The following GPC3 variants were observed in gnomAD, a reference collection of about 807,000 sequenced individuals.
The protein encoded by GPC3 is glypican 3.
Under a neutral mutation model 34.4 loss-of-function variants are expected in GPC3, and 3 were observed. The observed-to-expected ratio is 0.09, with a 90% CI of 0.04 to 0.23. The LOEUF is 0.23. Ranked by LOEUF, GPC3 falls within the 10% of genes least tolerant of loss-of-function variation. The pLI, the probability that GPC3 is intolerant of heterozygous loss-of-function variation, is 1.00. For synonymous variants in GPC3, 177 were observed against 174.0 expected (o/e 1.02, Z -0.13); for missense variants, 351 against 445.6 (o/e 0.79, Z 1.91).
intron 7 of GPC3, among the ~76,000 whole-genome samples, chrX:133,558,830 C>T (rs1481274449): frequency 2.8e-5 from 3 of 107,956 alleles, no homozygotes; most frequent in Non-Finnish European, 5.7e-5. Context: ...GTGGAGGTTG[C>T]AGTGAGCCAA....
intron 2 of GPC3, among the ~76,000 whole-genome samples, chrX:133,831,936 T>C (rs2075777260): frequency 9.0e-6 from 1 of 110,569 alleles, no homozygotes; most frequent in African/African-American, 3.3e-5. Flanking sequence ...TACCACCATT[T>C]CCCCCCCTTT....
At chrX:133,591,237 T>A (rs1457788720) in intron 7 of GPC3, among the ~76,000 whole-genome samples, 1 of 112,122 alleles carries the variant, frequency 8.9e-6, no homozygotes, top group Non-Finnish European at 1.9e-5. Flanking sequence ...GAGGGCTAAA[T>A]GAAATGGTGG....
At chrX:133,749,615 T>C (rs2071642473) in intron 3 of GPC3, among the ~76,000 whole-genome samples, 1 of 111,229 alleles carries the variant, frequency 9.0e-6, no homozygotes, top group Admixed American at 9.6e-5. Flanking sequence ...CAAAAACAAC[T>C]AGGCAAAGTC....
chrX:133,780,252 C>T (rs890077046), intron 2 of GPC3, among the ~76,000 whole-genome samples: 5 of 111,794 alleles, frequency 4.5e-5, no homozygotes, highest in African/African-American at 1.6e-4. Flanking sequence ...CAGCTCGTTT[C>T]TCTTTAATCT....
In GPC3 at chrX:133,876,580, G is replaced by A. The variant is rs1157391982; in HGVS notation, c.337+76470C>T. 1.8e-5 allele frequency among the ~76,000 whole-genome samples: 2 copies of A among 112,446 alleles called. 1 individual carries two copies. Among genetic ancestry groups the A allele is most frequent in the South Asian group, 7.4e-4 (2 of 2,714 alleles). ...AGCAAGAGGCCTTTAGCAGAGTCCA[G>A]ACAGGGCTCCCTGGTGACCTGGAAG... On this transcript the variant is annotated intron_variant, in intron 2 of 7. Transcript: ENST00000370818.
intron 2 of GPC3, among the ~76,000 whole-genome samples, chrX:133,758,346 A>G (rs1341205446): frequency 1.8e-5 from 2 of 112,158 alleles, no homozygotes; most frequent in Admixed American, 9.4e-5. Flanking sequence ...TGGTACATAC[A>G]CATCTTGGAA....
At chrX:133,674,405 T>A (rs749888794) in intron 5 of GPC3, among the ~76,000 whole-genome samples, 2 of 111,014 alleles carry the variant, frequency 1.8e-5, no homozygotes, top group South Asian at 7.8e-4. Flanking sequence ...GAATGGCTTA[T>A]CATCAGGGAA....
At chrX:133,883,357 G>A (rs912842697) in intron 2 of GPC3, among the ~76,000 whole-genome samples, 6 of 111,465 alleles carry the variant, frequency 5.4e-5, no homozygotes, top group Admixed American at 2.9e-4. Context: ...AGCATTTACA[G>A]TTCCCAGCTT....
intron 2 of GPC3, among the ~76,000 whole-genome samples, chrX:133,786,637 G>A (rs1355786399): frequency 1.8e-5 from 2 of 112,316 alleles, no homozygotes; most frequent in Non-Finnish European, 3.8e-5. Context: ...ATGGGGAATG[G>A]TAGCTTATGC....
At chrX:133,839,588 G>A (rs190003733) in intron 2 of GPC3, among the ~76,000 whole-genome samples, 174 of 110,929 alleles carry the variant, frequency 1.6e-3, no homozygotes, top group Non-Finnish European at 2.9e-3. Context: ...CACATGACTG[G>A]TATTGGTCCT....
chrX:133,626,536 G>T (rs1472569462), intron 6 of GPC3, among the ~76,000 whole-genome samples: 1 of 110,548 alleles, frequency 9.0e-6, no homozygotes, highest in Non-Finnish European at 1.9e-5. Flanking sequence ...AAAGAAGACA[G>T]TTATGCAGCC....
chrX:133,592,245 G>C (rs1045968392), intron 7 of GPC3, among the ~76,000 whole-genome samples: 13 of 104,686 alleles, frequency 1.2e-4, no homozygotes, highest in Non-Finnish European at 2.6e-4. Flanking sequence ...ATTTACATTA[G>C]GTATATCTCC....
chrX:133,816,390 G>A (rs1221862353), intron 2 of GPC3, among the ~76,000 whole-genome samples: 1 of 111,341 alleles, frequency 9.0e-6, no homozygotes, highest in Non-Finnish European at 1.9e-5. Flanking sequence ...ATCAAAACTT[G>A]TTCTTGATGG....
intron 2 of GPC3, among the ~76,000 whole-genome samples, chrX:133,767,718 C>T (rs2071864620): frequency 9.0e-6 from 1 of 110,642 alleles, no homozygotes; most frequent in South Asian, 3.9e-4. Context: ...GAAGACTTAA[C>T]AGGAAGGTAA....
intron 7 of GPC3, among the ~76,000 whole-genome samples, chrX:133,546,468 A>G (rs1480078379): frequency 9.0e-6 from 1 of 111,114 alleles, no homozygotes; most frequent in African/African-American, 3.3e-5. Flanking sequence ...GCCATATAGT[A>G]TATAATTCCA....
chrX:133,949,665 T>G (rs1019655307), intron 2 of GPC3, among the ~76,000 whole-genome samples: 3 of 112,241 alleles, frequency 2.7e-5, no homozygotes, highest in African/African-American at 9.7e-5. Flanking sequence ...AGAAAAGACC[T>G]GGATGTACCC....
chrX:133,723,300 G>A (rs2071385650), intron 3 of GPC3, among the ~76,000 whole-genome samples: 1 of 111,831 alleles, frequency 8.9e-6, no homozygotes, highest in Admixed American at 9.5e-5. Context: ...GGGAACTGAG[G>A]CCCAGAAAAG....
chrX:133,594,427 T>C (rs1344983484), intron 7 of GPC3, among the ~76,000 whole-genome samples: 3 of 111,895 alleles, frequency 2.7e-5, no homozygotes, highest in Non-Finnish European at 3.8e-5. Context: ...AGAATGTTCA[T>C]TGTAGGATTA....
Position 133,856,735 on chromosome X carries a change from G to A in GPC3, c.337+96315C>T, listed in dbSNP as rs1161343434. ...TAGAGTGACATGTACTAACTTTATA[G>A]CTACAAACTAAAACTTGATTAAGCA... On this transcript the variant is annotated intron_variant, in intron 2 of 7. Coordinates refer to ENST00000370818, the MANE Select transcript of GPC3 (RefSeq NM_004484.4). Among the ~76,000 whole-genome samples the A allele has an allele frequency of 6.3e-5, 7 of 111,799 alleles. No homozygotes were observed. In the Admixed American group the frequency reaches 6.7e-4, roughly 11 times the overall value.
Sources: gnomAD v4.1 joint callset for allele counts (sites outside exome capture counted in the v4.1 genomes callset) on GRCh38, gnomAD v4.1.1 for gene constraint, MANE v1.5 for transcripts, NCBI Gene and HGNC (gene_info 2026-07-23, HGNC 2026-07-21) for gene names.